FOXP4: variants seen among roughly 807,000 people sequenced by gnomAD.
The protein encoded by FOXP4 is forkhead box protein P4.
A neutral mutation model predicts 82.6 loss-of-function variants in FOXP4; 25 were observed. The observed-to-expected ratio is 0.30, with a 90% CI of 0.22 to 0.42. FOXP4 has a LOEUF of 0.42. Among genes scored for constraint, FOXP4 ranks in the 10% least tolerant of loss-of-function variants. FOXP4 has a pLI of 1.00. For synonymous variants in FOXP4, 415 were observed against 388.2 expected, an observed-to-expected ratio of 1.07 and a Z score of -0.81; for missense variants, 785 against 900.9, an observed-to-expected ratio of 0.87 and a Z score of 1.65.
At chr6:41,597,076 A>T (rs1184975201) in intron 14 of FOXP4, 100 bp from the exon 15 acceptor site, 22 of 1,239,876 alleles carry the variant, frequency 1.8e-5, no homozygotes, top group Admixed American at 1.2e-4. Flanking sequence ...AGGGAATGGG[A>T]CCCATTCCCA....
intron 1 of FOXP4, among the ~76,000 whole-genome samples, chr6:41,556,939 T>C (rs183107470): frequency 6.4e-4 from 97 of 152,350 alleles, no homozygotes; most frequent in Non-Finnish European, 1.3e-3. Flanking sequence ...TATGGGTTGG[T>C]TGGTTTTTTA....
chr6:41,590,458 C>A, intron 12 of FOXP4, 111 bp downstream of exon 12: 1 of 1,167,154 alleles, frequency 8.6e-7, no homozygotes, highest in Non-Finnish European at 1.2e-6. Flanking sequence ...TGGAGCTGTC[C>A]CGCTCCCTCT....
At chr6:41,598,056 G>T in intron 16 of FOXP4, 106 bp downstream of exon 16, 3 of 843,868 alleles carry the variant, frequency 3.6e-6, no homozygotes, top group Non-Finnish European at 4.9e-6. Context: ...CCCCCACCAC[G>T]CCTCTCCCCA....
chr6:41,577,280 A>G (rs2127374212), intron 2 of FOXP4, among the ~76,000 whole-genome samples: 1 of 152,270 alleles, frequency 6.6e-6, no homozygotes, highest in South Asian at 2.1e-4. Flanking sequence ...TAATTCCTCC[A>G]GCAGCATGCA....
chr6:41,567,379 T>TA (rs1764942454), intron 2 of FOXP4, among the ~76,000 whole-genome samples: 1 of 152,220 alleles, frequency 6.6e-6, no homozygotes, highest in African/African-American at 2.4e-5. Flanking sequence ...CCTAGGGAGA[T>TA]ATTCTTCAGG....
At chr6:41,563,498 G>A (rs1348017576) in intron 1 of FOXP4, among the ~76,000 whole-genome samples, 1 of 152,142 alleles carries the variant, frequency 6.6e-6, no homozygotes, top group Non-Finnish European at 1.5e-5. Context: ...TGGTTATAGG[G>A]TGTGCCTAGG....
Position 41,591,994 on chromosome 6 carries a change from T to G in FOXP4, c.1536+672T>G, listed in dbSNP as rs1170817850. 6.8e-6 allele frequency among the ~76,000 whole-genome samples: 1 copy of G among 147,810 alleles called. No individual in the cohort carries two copies. The highest frequency in any genetic ancestry group is 2.5e-5 in the African/African-American group (1 of 39,742). ...TATTTTTCTATAGCCAAAAGGGGGG[T>G]GTGTGTGTGTGTCTGTCTGTCTGTC... On this transcript the variant is annotated intron_variant, in intron 13 of 16. Coordinates refer to ENST00000307972, the MANE Select transcript of FOXP4 (RefSeq NM_001012426.2). The surrounding 1 kb of genome is among the most constrained non-coding windows in gnomAD (Gnocchi z 4.2).
At chr6:41,587,716 AGCTGGTGCTCAGCTGACTACAGGGCC>A (rs1260568550) in intron 7 of FOXP4, 51 bp from the exon 8 acceptor site, 1 of 1,018,518 alleles carries the variant, frequency 9.8e-7, no homozygotes, top group African/African-American at 1.6e-5. Context: ...CCAGCAGGGG[AGCTGGTGCTCAGCTGACTACAGGGCC>A]GCTGGGGTCT....
At chr6:41,566,991 C>T (rs1239201983) in intron 2 of FOXP4, among the ~76,000 whole-genome samples, 1 of 152,344 alleles carries the variant, frequency 6.6e-6, no homozygotes, top group East Asian at 1.9e-4. Flanking sequence ...CTCCCACAGC[C>T]CAACTTCATA....
chr6:41,590,731 C>T (rs1463374254), intron 12 of FOXP4, among the ~76,000 whole-genome samples: 1 of 152,206 alleles, frequency 6.6e-6, no homozygotes, highest in Non-Finnish European at 1.5e-5. Context: ...CACACTCAAG[C>T]ATGAACTTAC....
At chr6:41,598,123 C>CT (rs1766977736) in intron 16 of FOXP4, among the ~76,000 whole-genome samples, 173 bp downstream of exon 16, 1 of 151,414 alleles carries the variant, frequency 6.6e-6, no homozygotes, top group Non-Finnish European at 1.5e-5. Flanking sequence ...CTTGTCCCAC[C>CT]TGCCTGTTCT....
chr6:41,599,000 C>T lies in FOXP4; in HGVS notation c.*64C>T, dbSNP rs936629768. 6 of 1,466,394 alleles carry T rather than the reference C, an allele frequency of 4.1e-6. No homozygotes were observed. The Admixed American group carries it at 1.6e-4, about 40-fold the overall frequency. 90.8% of individuals were successfully genotyped at this position (1,466,394 alleles called of 1,614,324 possible). A position where few individuals can be genotyped will look rare whatever the true frequency, so the allele number is the denominator to read the frequency against. On this transcript the variant is annotated 3_prime_UTR_variant, in exon 17 of 17. Transcript: ENST00000307972. Reference sequence around the variant, plus strand: ...CCCTTCCAGAATCCAGGCCCCATCTCCCCCAACTCCACAGCCCCTCCCGAG... The same window carrying T: ...CCCTTCCAGAATCCAGGCCCCATCTTCCCCAACTCCACAGCCCCTCCCGAG...
At chr6:41,584,029 C>T (rs975773559) in intron 3 of FOXP4, among the ~76,000 whole-genome samples, 1 of 152,222 alleles carries the variant, frequency 6.6e-6, no homozygotes, top group Non-Finnish European at 1.5e-5. Flanking sequence ...GTCACACAGC[C>T]AGCTCAGTGC....
chr6:41,597,663 T>C, intron 15 of FOXP4, 118 bp from the exon 16 acceptor site: 1 of 1,308,286 alleles, frequency 7.6e-7, no homozygotes, highest in East Asian at 2.6e-5. Context: ...GATCCGCCCG[T>C]GGGGCCAGTA....
chr6:41,597,028 T>C, intron 14 of FOXP4, 148 bp from the exon 15 acceptor site: 3 of 794,242 alleles, frequency 3.8e-6, no homozygotes, highest in South Asian at 3.1e-5. Context: ...CACACACAGC[T>C]CCAAGACAGC....
rs561578537 is a variant in FOXP4, at chr6:41,602,357, A to G, written c.*3421A>G. ...TAATCTGTGGACAATGGCATTCTCT[A>G]CAATGCAATAAAAACAATTACCCAT... On this transcript the variant is annotated 3_prime_UTR_variant, in exon 17 of 17. Transcript: ENST00000307972. 1 of 152,330 alleles carries G rather than the reference A, an allele frequency of 6.6e-6. No homozygotes were observed. The highest frequency in any genetic ancestry group is 1.9e-4 in the East Asian group (1 of 5,172). The allele number at this position is 152,330 out of a possible 1,614,324, so 9.4% of individuals were successfully genotyped here. A position where few individuals can be genotyped will look rare whatever the true frequency, so the allele number is the denominator to read the frequency against.
chr6:41,552,286 A>G (rs1424152920), intron 1 of FOXP4, among the ~76,000 whole-genome samples: 1 of 152,174 alleles, frequency 6.6e-6, no homozygotes, highest in Non-Finnish European at 1.5e-5. Flanking sequence ...GAAGGGGTAC[A>G]CTAGGGAGAG....
intron 16 of FOXP4, among the ~76,000 whole-genome samples, chr6:41,598,541 C>T (rs1308763287): frequency 6.6e-6 from 1 of 152,148 alleles, no homozygotes; most frequent in African/African-American, 2.4e-5. Context: ...TCTTCTCCTT[C>T]CTCCGTTCGC....
At chr6:41,559,873 A>G (rs145295018) in intron 1 of FOXP4, among the ~76,000 whole-genome samples, 79 of 152,262 alleles carry the variant, frequency 5.2e-4, no homozygotes, top group Admixed American at 1.4e-3. Context: ...TGGGTTAGCA[A>G]CTTCTGTTGG....
Sources: gnomAD v4.1 joint callset for allele counts (sites outside exome capture counted in the v4.1 genomes callset) on GRCh38, gnomAD v4.1.1 for gene constraint, Gnocchi (gnomAD v3.1) non-coding constraint, MANE v1.5 for transcripts, NCBI Gene and HGNC (gene_info 2026-07-23, HGNC 2026-07-21) for gene names.